The following CAMK1D variants were observed in gnomAD, a reference collection of about 807,000 sequenced individuals.
The protein encoded by CAMK1D is calcium/calmodulin-dependent protein kinase type 1D.
In CAMK1D, 9 loss-of-function variants were observed where a neutral mutation model predicts 47.7. That is an observed-to-expected ratio of 0.19 (90% CI 0.11 to 0.33). The LOEUF (loss-of-function observed/expected upper bound fraction) is 0.33, where lower values mean the gene tolerates loss of function less well. Among genes scored for constraint, CAMK1D ranks in the 10% least tolerant of loss-of-function variants. The pLI is 1.00. For missense variants in CAMK1D, 291 were observed against 488.7 expected (o/e 0.60, Z 3.81); for synonymous variants, 184 against 184.9 (o/e 0.99, Z 0.04).
At chr10:12,769,548 T>C in intron 4 of CAMK1D, 125 bp from the exon 5 acceptor site, 1 of 1,020,418 alleles carries the variant, frequency 9.8e-7, no homozygotes, top group Non-Finnish European at 1.4e-6. Context: ...AGTTGATGCA[T>C]CTACTGTGTC....
chr10:12,550,145 A>G (rs1296875223), intron 1 of CAMK1D, among the ~76,000 whole-genome samples: 2 of 152,200 alleles, frequency 1.3e-5, no homozygotes, highest in Non-Finnish European at 2.9e-5. Flanking sequence ...ACTGCTGCCA[A>G]AGGGCTTTTC....
chr10:12,640,520 C>T (rs1839636246), intron 2 of CAMK1D, among the ~76,000 whole-genome samples: 1 of 151,930 alleles, frequency 6.6e-6, no homozygotes, highest in Non-Finnish European at 1.5e-5. Context: ...TATTTGCAAG[C>T]CTATTGAACA....
intron 3 of CAMK1D, among the ~76,000 whole-genome samples, chr10:12,733,707 A>G (rs1011833800): frequency 1.2e-4 from 19 of 152,162 alleles, no homozygotes; most frequent in African/African-American, 4.3e-4. Flanking sequence ...ACCCGAATCC[A>G]ATTTGTTTTG....
chr10:12,574,714 A>G (rs766851009), intron 2 of CAMK1D, among the ~76,000 whole-genome samples: 9 of 152,044 alleles, frequency 5.9e-5, no homozygotes, highest in Non-Finnish European at 1.2e-4. Flanking sequence ...GGTAACTTAT[A>G]AGAAAAGATG....
At chr10:12,759,604 C>T (rs73574091) in intron 3 of CAMK1D, among the ~76,000 whole-genome samples, 4,726 of 152,156 alleles carry the variant, frequency 0.031, 240 homozygotes, top group African/African-American at 0.11. Flanking sequence ...CAGTCGTTTC[C>T]GTTTCTTTTC....
intron 1 of CAMK1D, among the ~76,000 whole-genome samples, chr10:12,471,409 T>C (rs1228944477): frequency 6.6e-6 from 1 of 152,180 alleles, no homozygotes; most frequent in Non-Finnish European, 1.5e-5. Context: ...AACCTGTTTC[T>C]TAGTGGCCAG....
rs115520900 is a variant in CAMK1D, at chr10:12,369,974, C to T, written c.92+20064C>T. 5.4e-3 allele frequency among the ~76,000 whole-genome samples: 803 copies of T among 149,470 alleles called. 11 individuals carry two copies. Among genetic ancestry groups the T allele is most frequent in the African/African-American group, 0.018 (754 of 40,776 alleles). On this transcript the variant is annotated intron_variant, in intron 1 of 10. Transcript: ENST00000619168. ...CTGTCTCAAAAAAAAAAAAGCATTA[C>T]GTTATTAATATATTAAATATTAAAT...
At chr10:12,691,399 ATATAAATATATATATATATATATTTTTT>A (rs1564495592) in intron 3 of CAMK1D, among the ~76,000 whole-genome samples, 9 of 7,156 alleles carry the variant, frequency 1.3e-3, no homozygotes, top group African/African-American at 4.5e-3. Flanking sequence ...ATATATATAT[ATATAAATATATATATATATATATTTTTT>A]TTTTTTTTTT....
intron 1 of CAMK1D, among the ~76,000 whole-genome samples, chr10:12,371,579 AAAAAAAAACC>A (rs1364127034): frequency 1.3e-5 from 2 of 149,830 alleles, no homozygotes; most frequent in East Asian, 4.0e-4. Context: ...GTCCCGAAAA[AAAAAAAAACC>A]AAAAAAAAAC....
In CAMK1D at chr10:12,672,896, C is replaced by CTTTTTTTTTTTT. The variant is rs750447013; in HGVS notation, c.299+6094_299+6105dup. 6.4e-4 allele frequency among the ~76,000 whole-genome samples: 49 copies of CTTTTTTTTTTTT among 76,488 alleles called. 2 individuals are homozygous for CTTTTTTTTTTTT. The highest frequency in any genetic ancestry group is 2.0e-3 in the African/African-American group (31 of 15,844). The allele number at this position is 76,488 out of a possible 152,430, so 50.2% of individuals were successfully genotyped here. A position where few individuals can be genotyped will look rare whatever the true frequency, so the allele number is the denominator to read the frequency against. On this transcript the variant is annotated intron_variant, in intron 3 of 10. Transcript: ENST00000619168. ...CATGTAAGTTTTAGAATAGGCTTGC[C>CTTTTTTTTTTTT]TTTTTTTTTTTTTTTTTTTAGTCAG...
intron 1 of CAMK1D, among the ~76,000 whole-genome samples, chr10:12,403,683 A>C (rs944187266): frequency 2.6e-5 from 4 of 152,176 alleles, no homozygotes; most frequent in African/African-American, 7.2e-5. Context: ...ATGCATTTAA[A>C]AATATTTGAT....
At chr10:12,765,816 T>C (rs1401427229) in intron 4 of CAMK1D, among the ~76,000 whole-genome samples, 2 of 152,022 alleles carry the variant, frequency 1.3e-5, no homozygotes, top group African/African-American at 4.8e-5. Context: ...ATAGCTGAGC[T>C]TGAGGAGGTG....
At chr10:12,485,368 C>T (rs1470245511) in intron 1 of CAMK1D, among the ~76,000 whole-genome samples, 1 of 152,134 alleles carries the variant, frequency 6.6e-6, no homozygotes, top group African/African-American at 2.4e-5. Flanking sequence ...GGTTGTGGAG[C>T]TCCTCGTGCC....
At chr10:12,733,470 T>G (rs949087080) in intron 3 of CAMK1D, among the ~76,000 whole-genome samples, 1 of 152,206 alleles carries the variant, frequency 6.6e-6, no homozygotes, top group Non-Finnish European at 1.5e-5. Flanking sequence ...TTTCAACACT[T>G]CCTGGCATAG....
rs558489162 is a variant in CAMK1D at position 12,756,327 on chromosome 10, A to G, written c.300-4621A>G. Among the ~76,000 whole-genome samples, 8 of 152,378 alleles carry G rather than the reference A, an allele frequency of 5.3e-5. No homozygotes were observed. In the South Asian group the frequency reaches 1.4e-3, roughly 28 times the overall value. On this transcript the variant is annotated intron_variant, in intron 3 of 10. Coordinates refer to ENST00000619168, the MANE Select transcript of CAMK1D (RefSeq NM_153498.4). ...ATCAAGATGGAGAAGTTTTGAATGC[A>G]TGTAAGCAACAGCATGGCTGGCCAA...
intron 1 of CAMK1D, among the ~76,000 whole-genome samples, chr10:12,470,917 T>C (rs1048674057): frequency 1.3e-5 from 2 of 152,194 alleles, no homozygotes; most frequent in Non-Finnish European, 2.9e-5. Context: ...CTTGTGTGTG[T>C]GTACGTGCGT....
chr10:12,408,848 C>CTTTTTTTTTTTTTTTTTTT (rs113921067), intron 1 of CAMK1D, among the ~76,000 whole-genome samples: 7 of 121,872 alleles, frequency 5.7e-5, no homozygotes, highest in Admixed American at 9.3e-5. Context: ...TTCTTTCTTT[C>CTTTTTTTTTTTTTTTTTTT]TTTTTTTTTT....
At chr10:12,474,968 A>G (rs1833860566) in intron 1 of CAMK1D, among the ~76,000 whole-genome samples, 1 of 151,894 alleles carries the variant, frequency 6.6e-6, no homozygotes, top group South Asian at 2.1e-4. Flanking sequence ...TCCATGGTGC[A>G]TATGTAACAC....
At chr10:12,712,595 C>T (rs1045501008) in intron 3 of CAMK1D, among the ~76,000 whole-genome samples, 4 of 152,164 alleles carry the variant, frequency 2.6e-5, no homozygotes, top group African/African-American at 9.7e-5. Flanking sequence ...AAAAAGAGGG[C>T]TCTGGCGTCT....
Sources: allele counts gnomAD v4.1 joint callset (sites outside exome capture counted in the v4.1 genomes callset), GRCh38; gene constraint gnomAD v4.1.1; transcripts MANE v1.5; gene names NCBI Gene and HGNC (gene_info 2026-07-23, HGNC 2026-07-21).